The following ADGRA3 variants were observed in gnomAD, a reference collection of about 807,000 sequenced individuals.
ADGRA3 encodes the protein adhesion G protein-coupled receptor A3, also known as G-protein coupled receptor 125.
In ADGRA3, 56 loss-of-function variants were observed where a neutral mutation model predicts 119.8. The observed-to-expected ratio is 0.47, with a 90% CI of 0.38 to 0.58. The LOEUF (loss-of-function observed/expected upper bound fraction) is 0.58, where lower values mean the gene tolerates loss of function less well. Among genes scored for constraint, ADGRA3 ranks in the 20% least tolerant of loss-of-function variants. The pLI, the probability that ADGRA3 is intolerant of heterozygous loss-of-function variation, is 0.00. For synonymous variants in ADGRA3, 607 were observed against 623.8 expected, an observed-to-expected ratio of 0.97 and a Z score of 0.40; for missense variants, 1,516 against 1,649.0, an observed-to-expected ratio of 0.92 and a Z score of 1.40.
At chr4:22,513,143 CT>C (rs142313161) in intron 1 of ADGRA3, among the ~76,000 whole-genome samples, 2,164 of 133,460 alleles carry the variant, frequency 0.016, 13 homozygotes, top group Admixed American at 0.025. Flanking sequence ...CAACTTTCCT[CT>C]TTTTTTTTTT....
rs59015584 is a variant in ADGRA3, at chr4:22,513,845, CAAAAAAAAAAA to C, written c.257+1672_257+1682del. On this transcript the variant is annotated intron_variant, in intron 1 of 18. Transcript: ENST00000334304. ...TATTTTCATCTAAAAAGCTTTCAGG[CAAAAAAAAAAA>C]AAAAAAAAAAAAAAAAAACTGGATT... is the stretch of plus-strand genomic sequence containing the variant. Among the ~76,000 whole-genome samples the C allele has an allele frequency of 2.9e-4, 9 of 31,490 alleles. No individual in the cohort carries two copies. The South Asian group carries it at 7.5e-3, about 26-fold the overall frequency. The allele number at this position is 31,490 out of a possible 152,430, so 20.7% of individuals were successfully genotyped here.
chr4:22,424,567 T>C (rs1242816365), intron 10 of ADGRA3, among the ~76,000 whole-genome samples: 2 of 152,174 alleles, frequency 1.3e-5, no homozygotes, highest in Admixed American at 6.5e-5. Context: ...CAAAAGAGCA[T>C]ATGTAAGTGG....
intron 10 of ADGRA3, among the ~76,000 whole-genome samples, chr4:22,434,889 T>C (rs1457700370): frequency 6.6e-6 from 1 of 152,204 alleles, no homozygotes; most frequent in East Asian, 1.9e-4. Flanking sequence ...CTCATTTCTC[T>C]AGGACATTAC....
intron 3 of ADGRA3, among the ~76,000 whole-genome samples, chr4:22,461,489 G>A (rs1469993422): frequency 2.0e-5 from 3 of 152,018 alleles, no homozygotes; most frequent in Non-Finnish European, 4.4e-5. Flanking sequence ...TAGTAGAGAC[G>A]GGGTTTCACC....
intron 10 of ADGRA3, among the ~76,000 whole-genome samples, chr4:22,428,820 C>T (rs2109049139): frequency 6.6e-6 from 1 of 152,264 alleles, no homozygotes; most frequent in South Asian, 2.1e-4. Context: ...CAGCAGGTTG[C>T]TTAGGTAAGC....
intron 1 of ADGRA3, among the ~76,000 whole-genome samples, chr4:22,488,196 T>C (rs192603157): frequency 6.6e-6 from 1 of 152,260 alleles, no homozygotes; most frequent in Admixed American, 6.5e-5. Flanking sequence ...TGTGAATTGT[T>C]TCATGGCTGC....
intron 3 of ADGRA3, 139 bp downstream of exon 3, chr4:22,461,598 C>T: frequency 1.7e-6 from 1 of 579,310 alleles, no homozygotes; most frequent in Non-Finnish European, 3.1e-6. Context: ...CTGTGCCCAG[C>T]CTCTTTCTGT....
chr4:22,496,590 T>C (rs1718833403), intron 1 of ADGRA3, among the ~76,000 whole-genome samples: 1 of 152,148 alleles, frequency 6.6e-6, no homozygotes, highest in Admixed American at 6.5e-5. Flanking sequence ...AGAGCACACT[T>C]TGGAAATTAT....
chr4:22,488,447 A>T (rs1718511602), intron 1 of ADGRA3, among the ~76,000 whole-genome samples: 1 of 152,076 alleles, frequency 6.6e-6, no homozygotes, highest in African/African-American at 2.4e-5. Flanking sequence ...AACTCCCCAG[A>T]TGAGCTCAGT....
Position 22,515,806 on chromosome 4 carries a change from G to C in ADGRA3, c.-22C>G, listed in dbSNP as rs1487796962. 1.0e-6 allele frequency: 1 copy of C among 990,122 alleles called. No homozygotes were observed. Among genetic ancestry groups the C allele is most frequent in the Non-Finnish European group, 1.2e-6 (1 of 835,682 alleles). The allele number at this position is 990,122 out of a possible 1,614,324, so 61.3% of individuals were successfully genotyped here. ...CCATGCTGCGGGCCGGGGCCTGCGG[G>C]GCGAGCGGCGGCGCACTGGCCTAGC... On this transcript the variant is annotated 5_prime_UTR_variant, in exon 1 of 19. Transcript: ENST00000334304.
At chr4:22,405,094 A>G (rs1714845337) in intron 14 of ADGRA3, among the ~76,000 whole-genome samples, 1 of 152,176 alleles carries the variant, frequency 6.6e-6, no homozygotes, top group African/African-American at 2.4e-5. Flanking sequence ...GGGTTGGAGA[A>G]GGGGTAGAAG....
intron 7 of ADGRA3, among the ~76,000 whole-genome samples, chr4:22,439,002 T>C (rs867317408): frequency 6.6e-6 from 1 of 151,816 alleles, no homozygotes; most frequent in Non-Finnish European, 1.5e-5. Flanking sequence ...CTCTGTTTCA[T>C]ACACACAAAA....
chr4:22,491,575 C>G (rs1156488260), intron 1 of ADGRA3, among the ~76,000 whole-genome samples: 2 of 152,126 alleles, frequency 1.3e-5, no homozygotes, highest in African/African-American at 4.8e-5. Flanking sequence ...GATATCTGGT[C>G]AAACCCCTCT....
chr4:22,464,460 TCTTAA>T (rs1174865256), intron 2 of ADGRA3, among the ~76,000 whole-genome samples: 2 of 152,206 alleles, frequency 1.3e-5, no homozygotes, highest in Non-Finnish European at 2.9e-5. Flanking sequence ...TAAGTTCTCC[TCTTAA>T]CTTGGAGTAA....
chr4:22,479,645 G>T (rs7658925), intron 1 of ADGRA3, among the ~76,000 whole-genome samples: 8 of 151,962 alleles, frequency 5.3e-5, no homozygotes, highest in African/African-American at 1.9e-4. Flanking sequence ...CCCATTACTG[G>T]GTATATACCC....
intron 8 of ADGRA3, among the ~76,000 whole-genome samples, chr4:22,437,905 T>TG (rs1716458265): frequency 6.6e-6 from 1 of 152,034 alleles, no homozygotes; most frequent in African/African-American, 2.4e-5. Flanking sequence ...AAAGAGCCAC[T>TG]GGGGGGAAAA....
intron 1 of ADGRA3, among the ~76,000 whole-genome samples, chr4:22,493,910 G>A (rs772616053): frequency 1.3e-5 from 2 of 152,032 alleles, no homozygotes; most frequent in East Asian, 3.9e-4. Context: ...GGCCACAAGA[G>A]TAAACTCTGG....
intron 6 of ADGRA3, among the ~76,000 whole-genome samples, chr4:22,443,358 T>A (rs113071289): frequency 2.0e-5 from 3 of 152,304 alleles, no homozygotes; most frequent in African/African-American, 7.2e-5. Context: ...CAGTTTTTAA[T>A]CAGTTTTTTC....
In ADGRA3 at chr4:22,467,308, T is replaced by A. The variant is rs139006205; in HGVS notation, c.330-5500A>T. On this transcript the variant is annotated intron_variant, in intron 2 of 18. Coordinates refer to ENST00000334304, the MANE Select transcript of ADGRA3 (RefSeq NM_145290.4). ...CATTTTAAGTCCCAGGAGGTACAGT[T>A]AATCATCAGGACTTACTTATTAGTT... Among the ~76,000 whole-genome samples, 691 of 152,308 alleles carry A rather than the reference T, an allele frequency of 4.5e-3. 6 individuals are homozygous for A. The highest frequency in any genetic ancestry group is 0.015 in the African/African-American group (638 of 41,566).
Sources: allele counts gnomAD v4.1 joint callset (sites outside exome capture counted in the v4.1 genomes callset), GRCh38; gene constraint gnomAD v4.1.1; transcripts MANE v1.5; gene names NCBI Gene and HGNC (gene_info 2026-07-23, HGNC 2026-07-21).